The following ICAM2 variants were observed in gnomAD, a reference collection of about 807,000 sequenced individuals.
ICAM2 encodes the protein ICAM-2.
ICAM2 carries 14 observed loss-of-function variants against 19.1 expected under a neutral mutation model. That is an observed-to-expected ratio of 0.73 (90% CI 0.48 to 1.15). The LOEUF is 1.15. Among genes scored for constraint, ICAM2 ranks in the 50% most tolerant of loss-of-function variants. ICAM2 has a pLI of 0.00. For synonymous variants in ICAM2, 153 were observed against 152.7 expected, an observed-to-expected ratio of 1.00 and a Z score of -0.01; for missense variants, 311 against 355.4, an observed-to-expected ratio of 0.88 and a Z score of 1.00.
intron 1 of ICAM2, chr17:64,006,975 G>A: frequency 2.0e-6 from 1 of 503,058 alleles, no homozygotes; most frequent in African/African-American, 1.9e-5. Context: ...GGCAGGCAAT[G>A]GGTGCACGCA....
rs1261022024 is a variant in ICAM2, at chr17:64,020,625, A to G, written c.-147T>C. 6.6e-6 allele frequency: 1 copy of G among 151,640 alleles called. No homozygotes were observed. The highest frequency in any genetic ancestry group is 1.5e-5 in the Non-Finnish European group (1 of 67,962). 9.4% of individuals were successfully genotyped at this position (151,640 alleles called of 1,614,324 possible). ...CAGCTGCCCAGTTCACGGCTTATTC[A>G]GTCTTCTCCCTCCCCCCACTCCCCA... On this transcript the variant is annotated 5_prime_UTR_variant, in exon 1 of 5. Coordinates refer to ENST00000579788, the MANE Select transcript of ICAM2 (RefSeq NM_001099789.2).
chr17:64,003,551 G>A (rs964317855), intron 4 of ICAM2, 93 bp downstream of exon 4: 15 of 1,173,540 alleles, frequency 1.3e-5, no homozygotes, highest in Non-Finnish European at 1.9e-5. Flanking sequence ...GCTCCTGGGT[G>A]TTTGCTTCCC....
At chr17:64,016,037 G>C (rs890256260) in intron 1 of ICAM2, among the ~76,000 whole-genome samples, 2 of 151,952 alleles carry the variant, frequency 1.3e-5, no homozygotes, top group South Asian at 4.1e-4. Flanking sequence ...TCTGAGAATG[G>C]AAAAAATGAA....
chr17:64,003,072 G>GTGGTGAA (rs1300103529), intron 4 of ICAM2, 147 bp from the exon 5 acceptor site: 1 of 626,892 alleles, frequency 1.6e-6, no homozygotes, highest in Admixed American at 2.9e-5. Flanking sequence ...GCAGAGATGA[G>GTGGTGAA]TGGTGAATGG....
chr17:64,014,529 AAG>A (rs1395130077), intron 1 of ICAM2, among the ~76,000 whole-genome samples: 8 of 140,074 alleles, frequency 5.7e-5, no homozygotes, highest in East Asian at 2.4e-4. Context: ...GAAAGAAAGA[AAG>A]AGAGAGAGAA....
Position 64,008,954 on chromosome 17 carries a change from C to G in ICAM2, c.-44-2219G>C, listed in dbSNP as rs373904978. 5.3e-5 allele frequency among the ~76,000 whole-genome samples: 8 copies of G among 152,346 alleles called. No homozygotes were observed. The South Asian group carries it at 6.2e-4, about 12-fold the overall frequency. ...AAGCACAGGCCCCAGTTCCTACCCC[C>G]CATCTCCTCCTGTGATGTCTCCCAT... On this transcript the variant is annotated intron_variant, in intron 1 of 4. Coordinates refer to ENST00000579788, the MANE Select transcript of ICAM2 (RefSeq NM_001099789.2).
chr17:64,018,224 C>G (rs1243631931), intron 1 of ICAM2, among the ~76,000 whole-genome samples: 1 of 148,998 alleles, frequency 6.7e-6, no homozygotes, highest in Non-Finnish European at 1.5e-5. Flanking sequence ...GTCCCAGCTA[C>G]TCGGGAGGCT....
intron 1 of ICAM2, among the ~76,000 whole-genome samples, chr17:64,019,245 T>C (rs2331410): frequency 0.96 from 145,762 of 152,220 alleles, 70,129 homozygotes; most frequent in East Asian, 1. Flanking sequence ...CATAGCCAGG[T>C]GCAGCAGTTC....
intron 1 of ICAM2, among the ~76,000 whole-genome samples, chr17:64,018,563 G>T (rs1000238122): frequency 6.6e-6 from 1 of 151,960 alleles, no homozygotes; most frequent in Non-Finnish European, 1.5e-5. Flanking sequence ...AACTGCTGAT[G>T]AGAGTGTATA....
chr17:64,018,259 A>G (rs1391030913), intron 1 of ICAM2, among the ~76,000 whole-genome samples: 2 of 133,594 alleles, frequency 1.5e-5, no homozygotes, highest in African/African-American at 5.4e-5. Flanking sequence ...GCGTGAACCT[A>G]GGAGGCGGAG....
In ICAM2 at chr17:64,005,076, G is replaced by A. The variant is rs765615908; in HGVS notation, c.328+31C>T. On this transcript the variant is annotated intron_variant, in intron 3 of 4. Transcript: ENST00000579788. ...AGTAGACACAGCCTCTGTCCCAGGGGAGAGGAGGGCCCCGCAGCACAGCCA... is the reference window on the plus strand; with the variant it reads ...AGTAGACACAGCCTCTGTCCCAGGGAAGAGGAGGGCCCCGCAGCACAGCCA... 3.7e-6 allele frequency: 6 copies of A among 1,613,040 alleles called. No individual in the cohort carries two copies. In the African/African-American group the frequency reaches 8.0e-5, roughly 22 times the overall value.
At chr17:64,014,330 G>GGAAGGAAGGAAA (rs1219763465) in intron 1 of ICAM2, among the ~76,000 whole-genome samples, 343 of 30,828 alleles carry the variant, frequency 0.011, 5 homozygotes, top group Middle Eastern at 0.065. Flanking sequence ...AAGGAAGGAA[G>GGAAGGAAGGAAA]GAAAGAAAGA....
chr17:64,010,427 G>A (rs1408467079), intron 1 of ICAM2, among the ~76,000 whole-genome samples: 2 of 152,042 alleles, frequency 1.3e-5, no homozygotes, highest in African/African-American at 4.8e-5. Flanking sequence ...TTTTTGAGGG[G>A]AGGGGAGATT....
At chr17:64,011,752 C>T (rs916204004) in intron 1 of ICAM2, among the ~76,000 whole-genome samples, 2 of 151,878 alleles carry the variant, frequency 1.3e-5, no homozygotes, top group Non-Finnish European at 2.9e-5. Flanking sequence ...AATAATAATA[C>T]TTTTTAAAAA....
chr17:64,006,787 C>T, intron 1 of ICAM2, 52 bp from the exon 2 acceptor site: 1 of 1,033,118 alleles, frequency 9.7e-7, no homozygotes, highest in South Asian at 1.4e-5. Flanking sequence ...AATCCCTAGC[C>T]TTCTGCAAAC....
chr17:64,005,031 G>C (rs1226632051), intron 3 of ICAM2, 76 bp downstream of exon 3: 1 of 1,531,986 alleles, frequency 6.5e-7, no homozygotes, highest in East Asian at 2.3e-5. Context: ...AGCAGGCACA[G>C]AGGGGCTCTG....
chr17:64,013,971 T>C (rs1911552864), intron 1 of ICAM2, among the ~76,000 whole-genome samples: 1 of 152,106 alleles, frequency 6.6e-6, no homozygotes, highest in Non-Finnish European at 1.5e-5. Flanking sequence ...AAGTAGAGAA[T>C]ACAAATTCTT....
chr17:64,005,483 G>T (rs1911144318), intron 2 of ICAM2, 110 bp from the exon 3 acceptor site: 2 of 1,230,040 alleles, frequency 1.6e-6, no homozygotes, highest in Admixed American at 4.7e-5. Context: ...GAAGAGGAAA[G>T]GTCATTGGGG....
chr17:64,006,858 G>A (rs547582736), intron 1 of ICAM2, 123 bp from the exon 2 acceptor site: 8 of 635,532 alleles, frequency 1.3e-5, no homozygotes, highest in Admixed American at 5.5e-5. Flanking sequence ...GCACCAGCTC[G>A]TTCTAGGACC....
Sources: gnomAD v4.1 joint callset for allele counts (sites outside exome capture counted in the v4.1 genomes callset) on GRCh38, gnomAD v4.1.1 for gene constraint, MANE v1.5 for transcripts, NCBI Gene and HGNC (gene_info 2026-07-23, HGNC 2026-07-21) for gene names.